Variants in ADAM7 observed in about 807,000 individuals in gnomAD.
The protein encoded by ADAM7 is disintegrin and metalloproteinase domain-containing protein 7.
A neutral mutation model predicts 102.9 loss-of-function variants in ADAM7; 97 were observed. That is an observed-to-expected ratio of 0.94 (90% CI 0.80 to 1.12). The LOEUF (loss-of-function observed/expected upper bound fraction) is 1.12. Ranked by LOEUF, ADAM7 falls within the 50% of genes most tolerant of loss-of-function variation. The pLI, the probability that ADAM7 is intolerant of heterozygous loss-of-function variation, is 0.00. For missense variants in ADAM7, 991 were observed against 908.7 expected, an observed-to-expected ratio of 1.09 and a Z score of -1.16; for synonymous variants, 334 against 304.4, an observed-to-expected ratio of 1.10 and a Z score of -1.01.
chr8:24,483,188 C>G (rs766104767), intron 9 of ADAM7, among the ~76,000 whole-genome samples: 3 of 152,060 alleles, frequency 2.0e-5, no homozygotes, highest in Non-Finnish European at 4.4e-5. Flanking sequence ...AAAAGGGGAC[C>G]ATTTTTATCA....
rs370946715 is a variant in ADAM7 at position 24,455,969 on chromosome 8, T to G, written c.234-7913T>G. ...TCACCTCAACTACTTATTTTTTTTT[T>G]TGTGGTGCAAACACTTGAAATTTAC... On this transcript the variant is annotated intron_variant, in intron 3 of 21. Transcript: ENST00000175238. Among the ~76,000 whole-genome samples the G allele has an allele frequency of 6.6e-5, 10 of 152,198 alleles. No individual in the cohort carries two copies. In the East Asian group the frequency reaches 1.2e-3, roughly 18 times the overall value.
At chr8:24,499,979 A>G (rs1820698739) in intron 17 of ADAM7, among the ~76,000 whole-genome samples, 199 bp from the exon 18 acceptor site, 1 of 152,192 alleles carries the variant, frequency 6.6e-6, no homozygotes, top group East Asian at 1.9e-4. Flanking sequence ...GCCGTTTTCA[A>G]AGATGGCTGC....
Position 24,493,069 on chromosome 8 carries a change from G to T in ADAM7, c.1682G>T (p.Cys561Phe), listed in dbSNP as rs190964179. 6.2e-7 allele frequency: 1 copy of T among 1,605,622 alleles called. No individual in the cohort carries two copies. Among genetic ancestry groups the T allele is most frequent in the South Asian group, 1.1e-5 (1 of 89,508 alleles). The change falls in exon 16 of 22, where the codon TGC (cysteine) becomes TTC (phenylalanine). Residue 561 changes from cysteine to phenylalanine, a missense_variant. Cys to Phe is a radical substitution (Grantham distance 205, BLOSUM62 -2). Transcript: ENST00000175238. ...EKDVRCGKIY[C>F]TGGELSSLLG... ...GATGTCAGATGTGGAAAGATCTACT[G>T]CACTGGAGGGGAGCTTTCCTCTCTC...
At chr8:24,466,681 C>T in intron 5 of ADAM7, 118 bp from the exon 6 acceptor site, 1 of 843,020 alleles carries the variant, frequency 1.2e-6, no homozygotes, top group East Asian at 2.6e-5. Flanking sequence ...AAAGCACTCT[C>T]CTACCTGTTC....
chr8:24,443,355 A>C (rs1182725744), intron 2 of ADAM7, among the ~76,000 whole-genome samples: 2 of 152,226 alleles, frequency 1.3e-5, no homozygotes, highest in African/African-American at 4.8e-5. Flanking sequence ...TAAATTAGAT[A>C]CACTTCACTT....
intron 12 of ADAM7, 101 bp downstream of exon 12, chr8:24,489,434 T>A (rs1189961398): frequency 8.8e-7 from 1 of 1,135,746 alleles, no homozygotes; most frequent in Non-Finnish European, 1.2e-6. Flanking sequence ...GTGTTCCTTG[T>A]AAAACTTTTA....
intron 8 of ADAM7, among the ~76,000 whole-genome samples, chr8:24,481,369 G>T (rs1819946164): frequency 6.6e-6 from 1 of 152,118 alleles, no homozygotes; most frequent in African/African-American, 2.4e-5. Context: ...TAGTAACATT[G>T]TATGAATGAT....
intron 3 of ADAM7, among the ~76,000 whole-genome samples, chr8:24,453,813 G>A (rs1818895298): frequency 6.6e-6 from 1 of 152,176 alleles, no homozygotes; most frequent in Non-Finnish European, 1.5e-5. Flanking sequence ...TGATGGTGAT[G>A]TACAGATGGG....
At chr8:24,457,287 G>C (rs570075070) in intron 3 of ADAM7, among the ~76,000 whole-genome samples, 6 of 150,958 alleles carry the variant, frequency 4.0e-5, no homozygotes, top group Admixed American at 3.9e-4. Flanking sequence ...TATTGAGTTC[G>C]AGGAGATTTT....
chr8:24,454,716 T>A (rs74559893), intron 3 of ADAM7, among the ~76,000 whole-genome samples: 1 of 152,120 alleles, frequency 6.6e-6, no homozygotes, highest in Non-Finnish European at 1.5e-5. Context: ...GTACCTCAGA[T>A]GGAAATGCAG....
At chr8:24,460,081 T>C (rs1022624907) in intron 3 of ADAM7, among the ~76,000 whole-genome samples, 4 of 150,728 alleles carry the variant, frequency 2.7e-5, no homozygotes, top group Non-Finnish European at 5.9e-5. Flanking sequence ...TGGATTTGTT[T>C]GATTTTTTTA....
At chr8:24,463,018 A>G (rs1307907056) in intron 3 of ADAM7, among the ~76,000 whole-genome samples, 1 of 152,220 alleles carries the variant, frequency 6.6e-6, no homozygotes, top group African/African-American at 2.4e-5. Context: ...AACAAAGAAC[A>G]TGTAATAGCA....
intron 7 of ADAM7, among the ~76,000 whole-genome samples, chr8:24,475,226 A>G (rs1819729245): frequency 6.6e-6 from 1 of 152,212 alleles, no homozygotes; most frequent in Non-Finnish European, 1.5e-5. Context: ...TCACTGATTG[A>G]TAAAGCATCT....
chr8:24,463,537 G>T (rs547839502), intron 3 of ADAM7, among the ~76,000 whole-genome samples: 31 of 152,116 alleles, frequency 2.0e-4, no homozygotes, highest in Non-Finnish European at 3.7e-4. Context: ...ATGATGTGAT[G>T]AATATAAGAC....
chr8:24,495,995 T>A (rs1363282180), intron 16 of ADAM7, among the ~76,000 whole-genome samples: 1 of 152,206 alleles, frequency 6.6e-6, no homozygotes, highest in Non-Finnish European at 1.5e-5. Context: ...TCACAGGTCT[T>A]CATAGCAGCC....
At chr8:24,477,119 T>C (rs569523766) in intron 8 of ADAM7, among the ~76,000 whole-genome samples, 67 of 152,298 alleles carry the variant, frequency 4.4e-4, no homozygotes, top group African/African-American at 1.5e-3. Context: ...ATTTAATCTG[T>C]TTGTAGTTTT....
At chr8:24,508,208 C>T (rs149732128) in intron 21 of ADAM7, among the ~76,000 whole-genome samples, 45 of 152,268 alleles carry the variant, frequency 3.0e-4, no homozygotes, top group African/African-American at 1.1e-3. Context: ...CCGCCCACCT[C>T]CACCGAAAAG....
chr8:24,480,628 A>G (rs1169196405), intron 8 of ADAM7, among the ~76,000 whole-genome samples: 3 of 152,176 alleles, frequency 2.0e-5, no homozygotes, highest in Admixed American at 1.3e-4. Flanking sequence ...TTCCGTTTGC[A>G]CTTGTGTGTA....
chr8:24,490,021 G>C lies in ADAM7; in HGVS notation c.1266+688G>C, dbSNP rs28513852. On this transcript the variant is annotated intron_variant, in intron 12 of 21. Transcript: ENST00000175238. Reference sequence around the variant, plus strand: ...AAGTATGGAGTGGTTCTGAGATTCTGTACACCTACCTAGCTTCAAGGTTAC... The same window carrying C: ...AAGTATGGAGTGGTTCTGAGATTCTCTACACCTACCTAGCTTCAAGGTTAC... Among the ~76,000 whole-genome samples, 755 of 152,252 alleles carry C rather than the reference G, an allele frequency of 5.0e-3. 8 individuals carry two copies. The highest frequency in any genetic ancestry group is 0.017 in the African/African-American group (720 of 41,566).
Sources: allele counts gnomAD v4.1 joint callset (sites outside exome capture counted in the v4.1 genomes callset), GRCh38; gene constraint gnomAD v4.1.1; transcripts MANE v1.5; gene names NCBI Gene and HGNC (gene_info 2026-07-23, HGNC 2026-07-21).